Variants in GPHN observed in about 807,000 individuals in gnomAD.
GPHN encodes the protein gephyrin.
In GPHN, 17 loss-of-function variants were observed where a neutral mutation model predicts 95.5. The ratio of observed to expected loss-of-function variants is 0.18; its 90% confidence interval spans 0.12 to 0.27. GPHN has a LOEUF of 0.27. GPHN is among the 10% of genes least tolerant of loss of function. The pLI, the probability that GPHN is intolerant of heterozygous loss-of-function variation, is 1.00. For missense variants in GPHN, 660 were observed against 978.1 expected (o/e 0.67, Z 4.34); for synonymous variants, 320 against 322.5 (o/e 0.99, Z 0.08).
At chr14:67,139,989 C>G (rs1027871633) in intron 17 of GPHN, among the ~76,000 whole-genome samples, 2 of 151,994 alleles carry the variant, frequency 1.3e-5, no homozygotes, top group Admixed American at 6.6e-5. Context: ...GAACAAAATC[C>G]CTTTCAGCTG....
rs569008124 is a variant in GPHN, at chr14:67,083,422, C to T, written c.1145-5561C>T. Among the ~76,000 whole-genome samples, 210 of 152,200 alleles carry T rather than the reference C, an allele frequency of 1.4e-3. 3 individuals are homozygous for T. The highest frequency in any genetic ancestry group is 5.2e-3 in the Admixed American group (79 of 15,286). ...CTCTGGCCATGTGAGGTGCCACTCT[C>T]CCTTTGTCTTCTGCCATGATTGTAA... On this transcript the variant is annotated intron_variant, in intron 11 of 22. Transcript: ENST00000478722.
chr14:67,130,997 T>C (rs2079666476), intron 17 of GPHN, among the ~76,000 whole-genome samples: 1 of 152,166 alleles, frequency 6.6e-6, no homozygotes, highest in Non-Finnish European at 1.5e-5. Context: ...TGTCCTAGTT[T>C]TCTTTTCCCC....
intron 1 of GPHN, among the ~76,000 whole-genome samples, chr14:66,646,992 G>A (rs2064785155): frequency 6.6e-6 from 1 of 151,688 alleles, no homozygotes; most frequent in South Asian, 2.1e-4. Flanking sequence ...GAGCTCCCAG[G>A]CTGAAGCAAT....
At chr14:67,321,109 T>C in the GPHN span, 1 of 1,614,170 alleles carries the variant, frequency 6.2e-7, no homozygotes, top group Admixed American at 1.7e-5. Context: ...ATTACCACTT[T>C]GTTTCGCGGC....
At chr14:67,131,183 A>G (rs1595293072) in intron 17 of GPHN, among the ~76,000 whole-genome samples, 1 of 151,978 alleles carries the variant, frequency 6.6e-6, no homozygotes, top group African/African-American at 2.4e-5. Flanking sequence ...TTGAGCACAT[A>G]TATTTTTCTC....
chr14:66,999,832 T>C (rs1191226463), intron 9 of GPHN, among the ~76,000 whole-genome samples: 1 of 151,812 alleles, frequency 6.6e-6, no homozygotes. Flanking sequence ...TTCTGACTTA[T>C]TTGAGAAGCT....
intron 11 of GPHN, among the ~76,000 whole-genome samples, chr14:67,059,294 G>A (rs1224003440): frequency 6.6e-6 from 1 of 152,116 alleles, no homozygotes; most frequent in Non-Finnish European, 1.5e-5. Context: ...CCAGTATTTT[G>A]TTTTTAATTA....
the GPHN span, among the ~76,000 whole-genome samples, chr14:67,411,682 ATTATC>A: frequency 1.3e-5 from 2 of 152,208 alleles, no homozygotes; most frequent in African/African-American, 4.8e-5. Flanking sequence ...GCACGCCTAT[ATTATC>A]TTAGTAAATA....
At chr14:67,497,171 T>C in the GPHN span, among the ~76,000 whole-genome samples, 24 of 151,886 alleles carry the variant, frequency 1.6e-4, no homozygotes, top group Non-Finnish European at 3.2e-4. Context: ...GGAGAGCTCG[T>C]GGGTGGTGTA....
intron 2 of GPHN, among the ~76,000 whole-genome samples, chr14:66,767,814 T>C (rs1051827139): frequency 6.6e-5 from 10 of 152,038 alleles, no homozygotes; most frequent in African/African-American, 2.4e-4. Flanking sequence ...CATACAACAA[T>C]GTTTGTATGT....
chr14:66,751,021 G>A (rs1307683549), intron 2 of GPHN, among the ~76,000 whole-genome samples: 1 of 151,554 alleles, frequency 6.6e-6, no homozygotes, highest in Non-Finnish European at 1.5e-5. Context: ...TTTTTTAGAA[G>A]TCACAGAATT....
At chr14:66,604,793 T>C (rs1240638581) in intron 1 of GPHN, among the ~76,000 whole-genome samples, 1 of 152,144 alleles carries the variant, frequency 6.6e-6, no homozygotes, top group African/African-American at 2.4e-5. Flanking sequence ...TAGATGATCC[T>C]GTCACCCAGG....
At chr14:67,191,807 G>A in the GPHN span, among the ~76,000 whole-genome samples, 3 of 152,094 alleles carry the variant, frequency 2.0e-5, no homozygotes, top group Non-Finnish European at 4.4e-5. Context: ...ACTAGCGTTG[G>A]TTTCCGATCT....
chr14:67,179,755 G>T, intron 22 of GPHN, 81 bp downstream of exon 22: 1 of 802,074 alleles, frequency 1.2e-6, no homozygotes, highest in South Asian at 1.4e-5. Flanking sequence ...CCTTGGTTAT[G>T]ACTGATTTTG....
At chr14:67,012,190 A>G (rs551993969) in intron 9 of GPHN, among the ~76,000 whole-genome samples, 7 of 152,212 alleles carry the variant, frequency 4.6e-5, no homozygotes, top group Non-Finnish European at 1.0e-4. Flanking sequence ...ATCTTTCCAT[A>G]AATTTTGAGA....
At chr14:66,700,181 T>A (rs1462758264) in intron 2 of GPHN, among the ~76,000 whole-genome samples, 1 of 152,170 alleles carries the variant, frequency 6.6e-6, no homozygotes, top group Non-Finnish European at 1.5e-5. Flanking sequence ...GAAAAATTGG[T>A]ATCAGTAAAA....
In GPHN at chr14:67,181,549, T is replaced by C; in HGVS notation, c.*612T>C. 1 of 474,594 alleles carries C rather than the reference T, an allele frequency of 2.1e-6. No individual in the cohort carries two copies. The allele number at this position is 474,594 out of a possible 1,614,324, so 29.4% of individuals were successfully genotyped here. On this transcript the variant is annotated 3_prime_UTR_variant, in exon 23 of 23. Coordinates refer to ENST00000478722, the MANE Select transcript of GPHN (RefSeq NM_020806.5). Reference sequence around the variant, plus strand: ...ACTCTTGGGCAGTAACTGGACACCTTTTATTTGAAGAAACAAACTGAAGAA... The same window carrying C: ...ACTCTTGGGCAGTAACTGGACACCTCTTATTTGAAGAAACAAACTGAAGAA...
At chr14:66,931,990 C>T (rs1469458024) in intron 8 of GPHN, among the ~76,000 whole-genome samples, 1 of 152,120 alleles carries the variant, frequency 6.6e-6, no homozygotes, top group East Asian at 1.9e-4. Flanking sequence ...ACCCATCCTT[C>T]TTGGGAAGGC....
At chr14:67,562,281 C>CA in the GPHN span, 1 of 1,613,744 alleles carries the variant, frequency 6.2e-7, no homozygotes, top group Non-Finnish European at 8.5e-7. Context: ...GCTGTGCTTG[C>CA]ACCTTCCCCA....
Sources: gnomAD v4.1 joint callset for allele counts (sites outside exome capture counted in the v4.1 genomes callset) on GRCh38, gnomAD v4.1.1 for gene constraint, MANE v1.5 for transcripts, NCBI Gene and HGNC (gene_info 2026-07-23, HGNC 2026-07-21) for gene names.